Variants in INSC observed in about 807,000 individuals in gnomAD.
INSC encodes protein inscuteable homolog.
A neutral mutation model predicts 58.6 loss-of-function variants in INSC; 67 were observed. The ratio of observed to expected loss-of-function variants is 1.14; its 90% CI spans 0.94 to 1.40. INSC has a LOEUF of 1.40. Ranked by LOEUF, INSC falls within the 40% of genes most tolerant of loss-of-function variation. The pLI is 0.00. For missense variants in INSC, 714 were observed against 692.0 expected (o/e 1.03, Z -0.36); for synonymous variants, 262 against 276.1 (o/e 0.95, Z 0.51).
intron 9 of INSC, among the ~76,000 whole-genome samples, chr11:15,233,740 T>C (rs1033538479): frequency 6.6e-6 from 1 of 152,094 alleles, no homozygotes; most frequent in African/African-American, 2.4e-5. Flanking sequence ...CTTCCCTCCT[T>C]CCTTCCTTCC....
chr11:15,222,525 T>C (rs991577980), intron 8 of INSC, among the ~76,000 whole-genome samples: 14 of 152,158 alleles, frequency 9.2e-5, no homozygotes, highest in Non-Finnish European at 1.6e-4. Flanking sequence ...GACTCGGGCT[T>C]TTCACTCATC....
At chr11:15,136,003 T>A (rs1848236654) in intron 1 of INSC, among the ~76,000 whole-genome samples, 1 of 152,268 alleles carries the variant, frequency 6.6e-6, no homozygotes, top group South Asian at 2.1e-4. Context: ...TCCACTTATG[T>A]AAGGCCTTTT....
chr11:15,128,553 G>T (rs372260193), intron 1 of INSC, among the ~76,000 whole-genome samples: 16 of 152,306 alleles, frequency 1.1e-4, no homozygotes, highest in Non-Finnish European at 1.6e-4. Flanking sequence ...TAGGCTGAAG[G>T]TTTCTTCTCT....
chr11:15,263,297 A>C, the INSC span, among the ~76,000 whole-genome samples: 7 of 152,256 alleles, frequency 4.6e-5, no homozygotes, highest in African/African-American at 1.7e-4. Context: ...ATCATATCTG[A>C]AGATGTAAGG....
chr11:15,190,700 G>A lies in INSC; in HGVS notation c.580-1G>A. 6.2e-7 allele frequency: 1 copy of A among 1,608,590 alleles called. No homozygotes were observed. The highest frequency in any genetic ancestry group is 8.5e-7 in the Non-Finnish European group (1 of 1,174,940). On this transcript the variant is annotated splice_acceptor_variant, in intron 5 of 12. Coordinates refer to ENST00000379556, the MANE Select transcript of INSC (RefSeq NM_001042536.3). LOFTEE classifies it high-confidence loss of function. ...TAGCTAACTTTTCTCTCTCTTCTTAGGCACTGGTGAGAAAAATTGATGCCT... is the reference window on the plus strand; with the variant it reads ...TAGCTAACTTTTCTCTCTCTTCTTAAGCACTGGTGAGAAAAATTGATGCCT...
At chr11:15,176,184 C>G (rs554527781) in intron 3 of INSC, 98 bp downstream of exon 3, 2 of 1,022,814 alleles carry the variant, frequency 2.0e-6, no homozygotes, top group East Asian at 2.7e-5. Flanking sequence ...CTTTTTTGCT[C>G]CAGAAGCCTT....
chr11:15,126,977 A>G (rs537918468), intron 1 of INSC, among the ~76,000 whole-genome samples: 124 of 152,300 alleles, frequency 8.1e-4, no homozygotes, highest in African/African-American at 2.8e-3. Flanking sequence ...TATCTCAGCT[A>G]TGTCCTTGGT....
At chr11:15,180,709 G>GGGGCC in intron 5 of INSC, among the ~76,000 whole-genome samples, 1 of 145,160 alleles carries the variant, frequency 6.9e-6, no homozygotes, top group African/African-American at 2.6e-5. Flanking sequence ...GGGGGTGGTG[G>GGGGCC]CCACAGAGTG....
chr11:15,198,523 G>T (rs1160005349), intron 6 of INSC, among the ~76,000 whole-genome samples: 2 of 152,028 alleles, frequency 1.3e-5, no homozygotes, highest in African/African-American at 4.8e-5. Context: ...GTGTTCGTTG[G>T]CACTGTTTCT....
intron 1 of INSC, among the ~76,000 whole-genome samples, chr11:15,139,180 C>T (rs1848313555): frequency 6.6e-6 from 1 of 152,178 alleles, no homozygotes; most frequent in Non-Finnish European, 1.5e-5. Context: ...CCAGTGTGCC[C>T]TTTGAGTATG....
At chr11:15,173,843 T>C (rs1381296894) in intron 2 of INSC, among the ~76,000 whole-genome samples, 1 of 152,214 alleles carries the variant, frequency 6.6e-6, no homozygotes, top group African/African-American at 2.4e-5. Context: ...GTCAAATGGT[T>C]ACATATTTCA....
intron 4 of INSC, among the ~76,000 whole-genome samples, chr11:15,177,941 A>C (rs1250429637): frequency 2.6e-5 from 4 of 152,196 alleles, no homozygotes; most frequent in African/African-American, 9.6e-5. Context: ...TTCAGAGCTC[A>C]CTAGCAATAC....
intron 6 of INSC, among the ~76,000 whole-genome samples, chr11:15,192,860 C>T (rs1330355684): frequency 6.6e-6 from 1 of 152,144 alleles, no homozygotes; most frequent in Non-Finnish European, 1.5e-5. Context: ...TCTCTAATGA[C>T]ATTTATACTC....
the INSC span, among the ~76,000 whole-genome samples, chr11:15,269,660 C>T: frequency 6.6e-6 from 1 of 151,986 alleles, no homozygotes; most frequent in Non-Finnish European, 1.5e-5. Context: ...TAGCATCCTA[C>T]ATGATCTTGT....
intron 9 of INSC, among the ~76,000 whole-genome samples, chr11:15,227,473 C>T (rs542215613): frequency 4.6e-5 from 7 of 152,268 alleles, no homozygotes; most frequent in African/African-American, 1.4e-4. Flanking sequence ...CTTTTTAAAC[C>T]TGATGCTCCA....
rs139243116 is a variant in INSC, at chr11:15,151,205, G to A, written c.56+1975G>A. Among the ~76,000 whole-genome samples, 379 of 152,238 alleles carry A rather than the reference G, an allele frequency of 2.5e-3. 1 individual carries two copies. The highest frequency in any genetic ancestry group is 7.9e-3 in the African/African-American group (330 of 41,542). The stretch of plus-strand genomic sequence containing the variant: ...CTCCGTCTCCTGTCAGATCAGAGGC[G>A]GCAGTAGATTCTCATAGGAGCGCGA... On this transcript the variant is annotated intron_variant, in intron 2 of 12. Coordinates refer to ENST00000379556, the MANE Select transcript of INSC (RefSeq NM_001042536.3).
chr11:15,219,226 G>A (rs1455955260), intron 7 of INSC, among the ~76,000 whole-genome samples: 2 of 152,114 alleles, frequency 1.3e-5, no homozygotes, highest in African/African-American at 4.8e-5. Flanking sequence ...GATGCAGCTG[G>A]TCCACAGACC....
the INSC span, among the ~76,000 whole-genome samples, chr11:15,265,299 T>C: frequency 2.0e-5 from 3 of 152,118 alleles, no homozygotes; most frequent in Non-Finnish European, 2.9e-5. Context: ...AAATTTCTTA[T>C]TTTATATATG....
intron 5 of INSC, 74 bp from the exon 6 acceptor site, chr11:15,190,627 C>A: frequency 1.0e-6 from 1 of 1,003,296 alleles, no homozygotes; most frequent in Non-Finnish European, 1.6e-6. Flanking sequence ...CATGGGCCCA[C>A]TGGTGTTCCA....
Sources: allele counts gnomAD v4.1 joint callset (sites outside exome capture counted in the v4.1 genomes callset), GRCh38; gene constraint gnomAD v4.1.1; transcripts MANE v1.5; gene names NCBI Gene and HGNC (gene_info 2026-07-23, HGNC 2026-07-21).